The following TRIB3 variants were observed in gnomAD, a reference collection of about 807,000 sequenced individuals.
TRIB3 encodes the protein tribbles homolog 3.
A neutral mutation model predicts 16.6 loss-of-function variants in TRIB3; 20 were observed. The observed-to-expected ratio is 1.20, with a 90% confidence interval of 0.85 to 1.75. The LOEUF is 1.75. Ranked by LOEUF, TRIB3 falls within the 40% of genes most tolerant of loss-of-function variation. The pLI is 0.00. For missense variants in TRIB3, 484 were observed against 488.9 expected (o/e 0.99, Z 0.10); for synonymous variants, 208 against 217.0 (o/e 0.96, Z 0.36).
intron 1 of TRIB3, among the ~76,000 whole-genome samples, chr20:382,095 A>T (rs2014671975): frequency 7.6e-6 from 1 of 131,508 alleles, no homozygotes; most frequent in Non-Finnish European, 1.7e-5. Context: ...GACAGCTGGG[A>T]GGGCTGTGTG....
At chr20:389,498 C>T (rs1369333014) in intron 2 of TRIB3, among the ~76,000 whole-genome samples, 1 of 152,194 alleles carries the variant, frequency 6.6e-6, no homozygotes, top group African/African-American at 2.4e-5. Flanking sequence ...GAGCTTTGCT[C>T]TGTTGACGGA....
At chr20:394,251 G>A (rs749653987) in intron 3 of TRIB3, among the ~76,000 whole-genome samples, 4 of 152,120 alleles carry the variant, frequency 2.6e-5, no homozygotes, top group Non-Finnish European at 5.9e-5. Context: ...GGCTGGTCTC[G>A]AAATCCGCCT....
chr20:386,087 C>G (rs759264214), intron 1 of TRIB3, among the ~76,000 whole-genome samples: 1 of 151,974 alleles, frequency 6.6e-6, no homozygotes, highest in Non-Finnish European at 1.5e-5. Context: ...TGGTCTTGAA[C>G]TTTTGGGTTC....
At chr20:382,649 A>G (rs2014694945) in intron 1 of TRIB3, 3 of 1,340,610 alleles carry the variant, frequency 2.2e-6, no homozygotes, top group Non-Finnish European at 3.1e-6. Flanking sequence ...TACATGCTTC[A>G]TTTGTGTTTT....
intron 1 of TRIB3, among the ~76,000 whole-genome samples, chr20:382,994 C>G (rs532216863): frequency 5.1e-4 from 78 of 152,310 alleles, no homozygotes; most frequent in African/African-American, 1.8e-3. Flanking sequence ...GGTCTTTAAC[C>G]AGGCTGAGGT....
rs76397365 is a variant in TRIB3 at position 392,088 on chromosome 20, A to T, written c.584+509A>T. 2.8e-3 allele frequency among the ~76,000 whole-genome samples: 428 copies of T among 152,068 alleles called. 12 individuals are homozygous for T. The East Asian group carries it at 0.063, about 22-fold the overall frequency. On this transcript the variant is annotated intron_variant, in intron 3 of 3. Transcript: ENST00000217233. ...CTTGGGATTCTGGGATGGAGCACTGAGATGTGAAAGTCATAGTAGCCGACA... is the reference window on the plus strand; with the variant it reads ...CTTGGGATTCTGGGATGGAGCACTGTGATGTGAAAGTCATAGTAGCCGACA...
chr20:392,750 GT>G (rs1331391798), intron 3 of TRIB3, among the ~76,000 whole-genome samples: 2 of 151,998 alleles, frequency 1.3e-5, no homozygotes, highest in Non-Finnish European at 2.9e-5. Flanking sequence ...TAGAAACGGG[GT>G]TTTGCCATGT....
In TRIB3 at chr20:388,265, C is replaced by T. The variant is rs140775642; in HGVS notation, c.255C>T (p.Ala85=). The change falls in exon 2 of 4, where the codon GCC becomes GCT. Residue 85 remains alanine, a synonymous_variant. Transcript: ENST00000217233. The part of the protein sequence containing the change: ...EPEEGGRAYQ[A]LHCPTGTEYT... ...AGGAGGGCGGGCGGGCCTACCAGGC[C>T]CTGCACTGCCCTACAGGCACTGAGT... 4 of 1,612,910 alleles carry T rather than the reference C, an allele frequency of 2.5e-6. No individual in the cohort carries two copies. The highest frequency in any genetic ancestry group is 3.4e-6 in the Non-Finnish European group (4 of 1,179,976).
At chr20:387,567 A>C (rs191470467) in intron 1 of TRIB3, among the ~76,000 whole-genome samples, 75 of 151,530 alleles carry the variant, frequency 4.9e-4, no homozygotes, top group African/African-American at 1.8e-3. Flanking sequence ...AAAAAAAAAA[A>C]AACCCACCAT....
chr20:384,822 A>G (rs909387749), intron 1 of TRIB3, among the ~76,000 whole-genome samples: 1 of 152,182 alleles, frequency 6.6e-6, no homozygotes, highest in African/African-American at 2.4e-5. Context: ...ACATTCCAGC[A>G]TACAGGAAAG....
At chr20:382,096 GGGC>G (rs2014672237) in intron 1 of TRIB3, among the ~76,000 whole-genome samples, 1 of 131,298 alleles carries the variant, frequency 7.6e-6, no homozygotes, top group Non-Finnish European at 1.7e-5. Flanking sequence ...ACAGCTGGGA[GGGC>G]TGTGTGTGTG....
intron 3 of TRIB3, among the ~76,000 whole-genome samples, chr20:394,974 C>T (rs1273206192): frequency 6.6e-6 from 1 of 151,984 alleles, no homozygotes; most frequent in African/African-American, 2.4e-5. Context: ...ATAATGCTGA[C>T]ACCCCTTGTC....
At chr20:390,336 C>CA (rs113811535) in intron 2 of TRIB3, among the ~76,000 whole-genome samples, 30,867 of 151,938 alleles carry the variant, frequency 0.2, 3,415 homozygotes, top group Middle Eastern at 0.27. Context: ...CTCAAAAAAA[C>CA]AAAAAACAAA....
chr20:390,502 C>T (rs565673808), intron 2 of TRIB3, among the ~76,000 whole-genome samples: 14 of 152,136 alleles, frequency 9.2e-5, no homozygotes, highest in African/African-American at 3.1e-4. Context: ...GTGGCTGGCC[C>T]GTGCAGGCCC....
chr20:389,833 TC>T (rs2122686243), intron 2 of TRIB3, among the ~76,000 whole-genome samples: 1 of 152,340 alleles, frequency 6.6e-6, no homozygotes, highest in South Asian at 2.1e-4. Flanking sequence ...TTTCCACACT[TC>T]CTCAGCTTTT....
Position 391,347 on chromosome 20 carries a change from A to G in TRIB3, c.352A>G (p.Lys118Glu). ...LEPYARLPPH[K>E]HVARPTEVLA... The stretch of plus-strand genomic sequence containing the variant: ...GCCCTATGCGCGGCTGCCCCCGCAC[A>G]AGCATGTGGCTCGGCCCACTGAGGT... Residue 118 changes from lysine to glutamate, a missense_variant, in exon 3 of 4, where the codon AAG (lysine) becomes GAG (glutamate). Lys to Glu is a moderately conservative substitution (Grantham distance 56). Transcript: ENST00000217233. 1 of 1,613,492 alleles carries G rather than the reference A, an allele frequency of 6.2e-7. No individual in the cohort carries two copies. The highest frequency in any genetic ancestry group is 8.5e-7 in the Non-Finnish European group (1 of 1,180,014).
At position 394,922 on chromosome 20, in the gene TRIB3, C is replaced by T. The variant is rs568152996; in HGVS notation, c.585-1276C>T. On this transcript the variant is annotated intron_variant, in intron 3 of 3. Coordinates refer to ENST00000217233, the MANE Select transcript of TRIB3 (RefSeq NM_021158.5). Reference sequence around the variant, plus strand: ...CTTTTTGGCCCTGAGCAAATGACTTCACCTGCCTGAGCCTTTGTTTCTTCA... The same window carrying T: ...CTTTTTGGCCCTGAGCAAATGACTTTACCTGCCTGAGCCTTTGTTTCTTCA... 1.0e-3 allele frequency among the ~76,000 whole-genome samples: 154 copies of T among 152,244 alleles called. 2 individuals are homozygous for T. The highest frequency in any genetic ancestry group is 1.4e-3 in the Non-Finnish European group (94 of 68,026).
At chr20:383,261 GTGGA>G (rs2014710841) in intron 1 of TRIB3, among the ~76,000 whole-genome samples, 2 of 152,184 alleles carry the variant, frequency 1.3e-5, no homozygotes, top group Non-Finnish European at 2.9e-5. Flanking sequence ...GTTCCGTTGT[GTGGA>G]TGAAGTATAA....
chr20:391,232 C>CA (rs1158950075), intron 2 of TRIB3, 55 bp from the exon 3 acceptor site: 2 of 1,561,286 alleles, frequency 1.3e-6, no homozygotes, highest in African/African-American at 2.7e-5. Context: ...GTTTGCAATG[C>CA]CAGCCTCAGC....
Sources: allele counts gnomAD v4.1 joint callset (sites outside exome capture counted in the v4.1 genomes callset), GRCh38; gene constraint gnomAD v4.1.1; transcripts MANE v1.5; gene names NCBI Gene and HGNC (gene_info 2026-07-23, HGNC 2026-07-21).